Variants in MYOCD observed in about 807,000 individuals in gnomAD.
MYOCD encodes myocardin.
A neutral mutation model predicts 96.1 loss-of-function variants in MYOCD; 32 were observed. The ratio of observed to expected loss-of-function variants is 0.33; its 90% CI spans 0.25 to 0.45. The LOEUF (loss-of-function observed/expected upper bound fraction) is 0.45, where lower values mean the gene tolerates loss of function less well. Among genes scored for constraint, MYOCD ranks in the 20% least tolerant of loss-of-function variants. The probability of loss-of-function intolerance (pLI) is 1.00; values close to 1 mark genes in which losing one functional copy is unlikely to be tolerated. For synonymous variants in MYOCD, 469 were observed against 469.0 expected (o/e 1.00, Z 0.00); for missense variants, 1,133 against 1,200.6 (o/e 0.94, Z 0.83).
At chr17:12,669,285 A>C (rs374265644) in intron 1 of MYOCD, among the ~76,000 whole-genome samples, 1 of 152,170 alleles carries the variant, frequency 6.6e-6, no homozygotes, top group East Asian at 1.9e-4. Flanking sequence ...AAGGATCAAA[A>C]GTGGAGAGAG....
Position 12,746,721 on chromosome 17 carries a change from G to A in MYOCD, c.1125+649G>A, listed in dbSNP as rs559380012. Among the ~76,000 whole-genome samples, 582 of 135,116 alleles carry A rather than the reference G, an allele frequency of 4.3e-3. 8 individuals carry two copies. Among genetic ancestry groups the A allele is most frequent in the African/African-American group, 0.015 (553 of 37,260 alleles). 88.6% of individuals were successfully genotyped at this position (135,116 alleles called of 152,430 possible). On this transcript the variant is annotated intron_variant, in intron 9 of 13. Coordinates refer to ENST00000425538, the MANE Select transcript of MYOCD (RefSeq NM_001146312.3). ...ATAAGGAGATGATGATGATGATGGT[G>A]CCTACCTTTTTTTTTTTTTTTTTTT...
chr17:12,697,397 C>G (rs1262305863), intron 1 of MYOCD, among the ~76,000 whole-genome samples: 1 of 125,326 alleles, frequency 8.0e-6, no homozygotes, highest in Non-Finnish European at 1.6e-5. Flanking sequence ...GGGTCTCGCT[C>G]TGTCGCCCAG....
chr17:12,735,421 A>G (rs559461834), intron 5 of MYOCD, among the ~76,000 whole-genome samples: 1 of 152,242 alleles, frequency 6.6e-6, no homozygotes, highest in East Asian at 1.9e-4. Flanking sequence ...TAGCAAAACC[A>G]TGCAGGCGGC....
intron 1 of MYOCD, among the ~76,000 whole-genome samples, chr17:12,685,333 A>G (rs113636621): frequency 0.17 from 25,522 of 151,874 alleles, 2,390 homozygotes; most frequent in Admixed American, 0.24. Context: ...GGCTGGGCAC[A>G]GTGGCTCACG....
chr17:12,705,144 T>G lies in MYOCD; in HGVS notation c.72T>G (p.Leu24=), dbSNP rs147480479. The G allele has an allele frequency of 1.8e-4, 294 of 1,613,190 alleles. 1 individual carries two copies. The highest frequency in any genetic ancestry group is 2.4e-4 in the Non-Finnish European group (282 of 1,179,366). ...SKFRSVLQLR[L]QQRRTQEQLA... Reference sequence around the variant, plus strand: ...TTTTCTAAGTTTTACAGTTAAGACTTCAACAAAGAAGGACCCAGGAACAAC... The same window carrying G: ...TTTTCTAAGTTTTACAGTTAAGACTGCAACAAAGAAGGACCCAGGAACAAC... Residue 24 remains leucine (L), a synonymous_variant, in exon 2 of 14, where the codon CTT becomes CTG. Transcript: ENST00000425538.
intron 2 of MYOCD, among the ~76,000 whole-genome samples, chr17:12,707,167 A>G (rs373226250): frequency 6.6e-6 from 1 of 152,206 alleles, no homozygotes; most frequent in Non-Finnish European, 1.5e-5. Flanking sequence ...TGCAATCTAC[A>G]TGCATTTCAG....
rs761824642 is a variant in MYOCD, at chr17:12,752,959, T to C, written c.1671T>C (p.Cys557=). 29 of 1,613,950 alleles carry C rather than the reference T, an allele frequency of 1.8e-5. No individual in the cohort carries two copies. The highest frequency in any genetic ancestry group is 2.4e-5 in the Non-Finnish European group (28 of 1,180,034). ...MQLQKQKRNN[C]SEKKPLPFLA... ...TTCAGAAGCAGAAAAGGAATAACTGTTCAGAGAAGAAGCCGCTGCCTTTCC... is the reference window on the plus strand; with the variant it reads ...TTCAGAAGCAGAAAAGGAATAACTGCTCAGAGAAGAAGCCGCTGCCTTTCC... Residue 557 remains cysteine (C), a synonymous_variant, in exon 10 of 14, where the codon TGT becomes TGC. Coordinates refer to ENST00000425538, the MANE Select transcript of MYOCD (RefSeq NM_001146312.3).
intron 1 of MYOCD, among the ~76,000 whole-genome samples, chr17:12,677,351 T>G (rs1169319464): frequency 6.6e-6 from 1 of 151,990 alleles, no homozygotes; most frequent in South Asian, 2.1e-4. Context: ...CAAACCCCCA[T>G]GACACGCGTT....
At chr17:12,694,358 GA>G (rs2030634708) in intron 1 of MYOCD, among the ~76,000 whole-genome samples, 1 of 152,194 alleles carries the variant, frequency 6.6e-6, no homozygotes, top group South Asian at 2.1e-4. Flanking sequence ...GTTTCTGTCT[GA>G]AGTGTCAGGA....
chr17:12,744,516 T>C (rs1054747895), intron 8 of MYOCD, 80 bp downstream of exon 8: 2 of 1,504,068 alleles, frequency 1.3e-6, no homozygotes, highest in African/African-American at 2.8e-5. Flanking sequence ...GCCAGCACCA[T>C]GGGGCCTAGC....
intron 1 of MYOCD, among the ~76,000 whole-genome samples, chr17:12,688,325 C>T (rs899924007): frequency 6.6e-6 from 1 of 152,224 alleles, no homozygotes; most frequent in Non-Finnish European, 1.5e-5. Context: ...GATCCTGGGC[C>T]ACTATTTGTG....
At chr17:12,737,190 G>T (rs1302555326) in intron 6 of MYOCD, among the ~76,000 whole-genome samples, 2 of 152,154 alleles carry the variant, frequency 1.3e-5, no homozygotes, top group Non-Finnish European at 2.9e-5. Context: ...GGAAGGCAGA[G>T]GTTGCAGTGA....
intron 6 of MYOCD, among the ~76,000 whole-genome samples, chr17:12,738,117 A>G (rs533053027): frequency 6.6e-6 from 1 of 152,160 alleles, no homozygotes; most frequent in Non-Finnish European, 1.5e-5. Context: ...TCACCTTAGG[A>G]GAGGGGAAGA....
intron 1 of MYOCD, among the ~76,000 whole-genome samples, chr17:12,676,233 C>T (rs546795284): frequency 8.0e-4 from 108 of 135,190 alleles, no homozygotes; most frequent in Admixed American, 3.8e-3. Context: ...CACCCTCCCC[C>T]TGCGCGCGCA....
intron 7 of MYOCD, among the ~76,000 whole-genome samples, chr17:12,743,576 T>A (rs1348869987): frequency 7.0e-6 from 1 of 142,098 alleles, no homozygotes; most frequent in Non-Finnish European, 1.5e-5. Context: ...CACTGCAACC[T>A]CTGCCTCCTG....
intron 5 of MYOCD, among the ~76,000 whole-genome samples, chr17:12,730,167 G>T (rs923474499): frequency 1.3e-5 from 2 of 151,966 alleles, no homozygotes; most frequent in Non-Finnish European, 2.9e-5. Context: ...GAAAAAAAAG[G>T]CCAGGCGTGG....
chr17:12,748,579 G>A (rs1218836065), intron 9 of MYOCD, among the ~76,000 whole-genome samples: 1 of 152,122 alleles, frequency 6.6e-6, no homozygotes, highest in East Asian at 1.9e-4. Context: ...GTAGGGAAGA[G>A]GTGTATATAA....
At chr17:12,748,456 G>A (rs567376386) in intron 9 of MYOCD, among the ~76,000 whole-genome samples, 20 of 152,226 alleles carry the variant, frequency 1.3e-4, no homozygotes, top group African/African-American at 4.6e-4. Flanking sequence ...GATAATTGTT[G>A]AAGTTTGTTG....
chr17:12,686,390 C>A (rs2030120211), intron 1 of MYOCD, among the ~76,000 whole-genome samples: 1 of 152,188 alleles, frequency 6.6e-6, no homozygotes. Context: ...TGCAAGACAT[C>A]CTGCCAATAT....
Sources: allele counts gnomAD v4.1 joint callset (sites outside exome capture counted in the v4.1 genomes callset), GRCh38; gene constraint gnomAD v4.1.1; transcripts MANE v1.5; gene names NCBI Gene and HGNC (gene_info 2026-07-23, HGNC 2026-07-21).